MSI2: variants seen among roughly 807,000 people sequenced by gnomAD.
MSI2 encodes musashi RNA binding protein 2, also known as RNA-binding protein Musashi homolog 2.
Under a neutral mutation model 45.6 loss-of-function variants are expected in MSI2, and 17 were observed. The ratio of observed to expected loss-of-function variants is 0.37; its 90% CI spans 0.26 to 0.56. The LOEUF (loss-of-function observed/expected upper bound fraction) is 0.56, where lower values mean the gene tolerates loss of function less well. MSI2 is among the 20% of genes least tolerant of loss of function. The probability of loss-of-function intolerance (pLI) is 0.77; values close to 1 mark genes in which losing one functional copy is unlikely to be tolerated. For missense variants in MSI2, 293 were observed against 444.2 expected (o/e 0.66, Z 3.06); for synonymous variants, 156 against 158.2 (o/e 0.99, Z 0.11).
chr17:57,355,764 T>C (rs1916367965), intron 5 of MSI2, among the ~76,000 whole-genome samples: 1 of 152,260 alleles, frequency 6.6e-6, no homozygotes, highest in African/African-American at 2.4e-5. Flanking sequence ...ACTTGCTCTG[T>C]GACCCTGGAT....
chr17:57,477,307 A>T (rs1033959215), intron 6 of MSI2, among the ~76,000 whole-genome samples: 1 of 152,072 alleles, frequency 6.6e-6, no homozygotes, highest in Non-Finnish European at 1.5e-5. Context: ...TTCTCGTGAC[A>T]CAATTGCCTG....
chr17:57,468,520 CAAAAAAAAAA>C (rs56105862), intron 6 of MSI2, among the ~76,000 whole-genome samples: 2 of 104,386 alleles, frequency 1.9e-5, no homozygotes, highest in Admixed American at 2.2e-4. Context: ...GACTCTATCT[CAAAAAAAAAA>C]AAAAAAAACA....
Position 57,652,103 on chromosome 17 carries a change from C to A in MSI2, c.732C>A (p.Phe244Leu). The A allele has an allele frequency of 6.2e-7, 1 of 1,614,112 alleles. No individual in the cohort carries two copies. Among genetic ancestry groups the A allele is most frequent in the South Asian group, 1.1e-5 (1 of 91,070 alleles). Reference sequence around the variant, plus strand: ...GCTCCTCTCTCTCCTGACCAGGCTTCCCAGCAGCGGCTTATGGACCAGTGG... The same window carrying A: ...GCTCCTCTCTCTCCTGACCAGGCTTACCAGCAGCGGCTTATGGACCAGTGG... ...APSYGYQFPG[F>L]PAAAYGPVAA... Residue 244 changes from phenylalanine to leucine, a missense_variant, in exon 11 of 14, where the codon TTC (phenylalanine) becomes TTA (leucine). Transcript: ENST00000284073. This position sits in a 1 kb window ranked among gnomAD's most constrained non-coding sequence, Gnocchi z 4.1.
intron 6 of MSI2, among the ~76,000 whole-genome samples, chr17:57,466,436 T>G (rs2085332055): frequency 1.3e-5 from 2 of 152,206 alleles, no homozygotes. Context: ...TGCCCAAGAC[T>G]GTGCGATTTC....
intron 7 of MSI2, among the ~76,000 whole-genome samples, chr17:57,582,899 T>C (rs1440651592): frequency 1.3e-5 from 2 of 152,254 alleles, no homozygotes; most frequent in Admixed American, 6.5e-5. Flanking sequence ...ATGACCTAGT[T>C]ACATCATTTT....
intron 5 of MSI2, among the ~76,000 whole-genome samples, chr17:57,284,016 G>A (rs1318597177): frequency 6.6e-6 from 1 of 152,188 alleles, no homozygotes; most frequent in African/African-American, 2.4e-5. Flanking sequence ...GTCAACTTCA[G>A]GCGAATCAAG....
At chr17:57,612,816 C>T (rs1188654871) in intron 8 of MSI2, among the ~76,000 whole-genome samples, 1 of 152,180 alleles carries the variant, frequency 6.6e-6, no homozygotes, top group Non-Finnish European at 1.5e-5. Context: ...TAAGACAATG[C>T]AGTAGATTGT....
In MSI2 at chr17:57,683,373, T is replaced by C. The variant is rs945546734; in HGVS notation, c.*3856T>C. ...CATTTGGGGGTTTTTGGGGAAAAAA[T>C]TTATTTTTGGTTCCAAATAGAAAAA... On this transcript the variant is annotated 3_prime_UTR_variant, in exon 14 of 14. Transcript: ENST00000284073. This position sits in a 1 kb window ranked among gnomAD's most constrained non-coding sequence, Gnocchi z 5.2. 4.3e-6 allele frequency: 1 copy of C among 230,058 alleles called. No homozygotes were observed. The highest frequency in any genetic ancestry group is 8.6e-6 in the Non-Finnish European group (1 of 116,198). 14.3% of individuals were successfully genotyped at this position (230,058 alleles called of 1,614,324 possible).
chr17:57,460,612 C>T lies in MSI2; in HGVS notation c.405+59141C>T, dbSNP rs958790274. ...ACTAATGGGACATGAGGCACCCCGC[C>T]TGTGTGTTTGGAGAACTACAGCAGT... On this transcript the variant is annotated intron_variant, in intron 6 of 13. Transcript: ENST00000284073. 5.9e-5 allele frequency among the ~76,000 whole-genome samples: 9 copies of T among 152,202 alleles called. No individual in the cohort carries two copies. The South Asian group carries it at 1.9e-3, about 32-fold the overall frequency.
chr17:57,672,642 G>C (rs1326092892), intron 11 of MSI2, among the ~76,000 whole-genome samples: 1 of 152,162 alleles, frequency 6.6e-6, no homozygotes, highest in African/African-American at 2.4e-5. Flanking sequence ...AAAACTTTCC[G>C]TCTACCACTG....
intron 5 of MSI2, among the ~76,000 whole-genome samples, chr17:57,341,507 C>T (rs1270491043): frequency 2.0e-5 from 3 of 152,192 alleles, no homozygotes; most frequent in African/African-American, 7.2e-5. Flanking sequence ...GCCAGGATGT[C>T]CTGTGTACGA....
chr17:57,341,273 A>G (rs975996911), intron 5 of MSI2, among the ~76,000 whole-genome samples: 1 of 152,218 alleles, frequency 6.6e-6, no homozygotes, highest in African/African-American at 2.4e-5. Flanking sequence ...TCCAGCTCGC[A>G]GTGGTGTGTG....
rs182937588 is a variant in MSI2 at position 57,478,046 on chromosome 17, C to T, written c.406-51630C>T. ...ATGTAGAGAGCACAGAGCCTCTGCCCGGCCTGCTCCTGAGAAGACTCGCCC... is the reference window on the plus strand; with the variant it reads ...ATGTAGAGAGCACAGAGCCTCTGCCTGGCCTGCTCCTGAGAAGACTCGCCC... On this transcript the variant is annotated intron_variant, in intron 6 of 13. Coordinates refer to ENST00000284073, the MANE Select transcript of MSI2 (RefSeq NM_138962.4). 3.2e-3 allele frequency among the ~76,000 whole-genome samples: 483 copies of T among 152,290 alleles called. 1 individual carries two copies. The highest frequency in any genetic ancestry group is 4.5e-3 in the Non-Finnish European group (305 of 68,018).
intron 6 of MSI2, among the ~76,000 whole-genome samples, chr17:57,422,564 T>C (rs956665503): frequency 3.9e-5 from 6 of 152,210 alleles, no homozygotes; most frequent in African/African-American, 9.6e-5. Flanking sequence ...GGAAAGTACA[T>C]GCCCAATGGC....
chr17:57,295,875 A>G (rs1445625156), intron 5 of MSI2, among the ~76,000 whole-genome samples: 1 of 151,642 alleles, frequency 6.6e-6, no homozygotes, highest in East Asian at 2.0e-4. Flanking sequence ...TGCTTGGGGG[A>G]GAGGAGGAAG....
At chr17:57,601,427 G>A (rs1034076266) in intron 8 of MSI2, 1 of 152,236 alleles carries the variant, frequency 6.6e-6, no homozygotes, top group Non-Finnish European at 1.5e-5. Flanking sequence ...GATCCTCCCT[G>A]GCCACTCTGT....
chr17:57,411,067 C>T (rs1289460107), intron 6 of MSI2, among the ~76,000 whole-genome samples: 1 of 152,188 alleles, frequency 6.6e-6, no homozygotes, highest in African/African-American at 2.4e-5. Context: ...TGCAGCAGCA[C>T]GATTTCAGCT....
intron 6 of MSI2, among the ~76,000 whole-genome samples, chr17:57,454,508 C>A (rs1269572612): frequency 6.8e-6 from 1 of 146,764 alleles, no homozygotes; most frequent in Non-Finnish European, 1.5e-5. Flanking sequence ...ACGATCTTGG[C>A]TCACTGCAAC....
chr17:57,598,271 T>G (rs1416475234), intron 8 of MSI2, among the ~76,000 whole-genome samples: 1 of 152,226 alleles, frequency 6.6e-6, no homozygotes, highest in Non-Finnish European at 1.5e-5. Flanking sequence ...ATTTCTTGCT[T>G]CTAAAACATG....
Sources: gnomAD v4.1 joint callset for allele counts (sites outside exome capture counted in the v4.1 genomes callset) on GRCh38, gnomAD v4.1.1 for gene constraint, Gnocchi (gnomAD v3.1) non-coding constraint, MANE v1.5 for transcripts, NCBI Gene and HGNC (gene_info 2026-07-23, HGNC 2026-07-21) for gene names.